HLCS: variants seen among roughly 807,000 people sequenced by gnomAD.
HLCS encodes the protein holocarboxylase synthetase.
HLCS carries 53 observed loss-of-function variants against 75.0 expected under a neutral mutation model. The ratio of observed to expected loss-of-function variants is 0.71; its 90% CI spans 0.57 to 0.89. The LOEUF is 0.89. HLCS is among the 40% of genes least tolerant of loss of function. The pLI is 0.00. For synonymous variants in HLCS, 431 were observed against 428.6 expected, an observed-to-expected ratio of 1.01 and a Z score of -0.07; for missense variants, 966 against 1,074.0, an observed-to-expected ratio of 0.90 and a Z score of 1.41.
chr21:36,789,697 G>A (rs1028851836), intron 6 of HLCS, among the ~76,000 whole-genome samples: 3 of 152,212 alleles, frequency 2.0e-5, no homozygotes, highest in Non-Finnish European at 4.4e-5. Flanking sequence ...CTAACACAAC[G>A]ATTGCCACCT....
chr21:36,874,202 A>G (rs2063871455), intron 6 of HLCS, among the ~76,000 whole-genome samples: 1 of 152,078 alleles, frequency 6.6e-6, no homozygotes, highest in Non-Finnish European at 1.5e-5. Context: ...TGTCTCAAAA[A>G]TCAAAGGCCC....
At chr21:36,764,874 G>C in intron 8 of HLCS, 138 bp downstream of exon 8, 2 of 903,878 alleles carry the variant, frequency 2.2e-6, no homozygotes, top group Middle Eastern at 2.1e-4. Context: ...AAAACTCCGA[G>C]AGCACTTTGC....
chr21:36,775,826 C>T (rs953848810), intron 6 of HLCS, among the ~76,000 whole-genome samples: 3 of 152,186 alleles, frequency 2.0e-5, no homozygotes, highest in African/African-American at 7.2e-5. Context: ...GGATGGACAC[C>T]GACTCACGTG....
At position 36,936,805 on chromosome 21, in the gene HLCS, A is replaced by C. The variant is rs1257529869; in HGVS notation, c.1081T>G (p.Cys361Gly). 6.2e-7 allele frequency: 1 copy of C among 1,614,218 alleles called. No homozygotes were observed. Among genetic ancestry groups the C allele is most frequent in the Non-Finnish European group, 8.5e-7 (1 of 1,180,036 alleles). ...SALRDPWTDN[C>G]LLLVIATRES... ...CTGGTAGCAATGACCAACAGCAGAC[A>C]GTTGTCCGTCCACGGGTCTCTGAGA... Residue 361 changes from cysteine (C) to glycine (G), a missense_variant, in exon 4 of 11, where the codon TGT (cysteine) becomes GGT (glycine). Cys to Gly is a radical substitution (Grantham distance 159). Transcript: ENST00000674895.
intron 6 of HLCS, among the ~76,000 whole-genome samples, chr21:36,881,792 C>CT (rs1004243149): frequency 2.6e-5 from 4 of 152,220 alleles, no homozygotes; most frequent in African/African-American, 9.6e-5. Context: ...AACCTGGCCT[C>CT]TGAGAAGGCT....
intron 9 of HLCS, chr21:36,759,239 G>T: frequency 4.2e-6 from 2 of 470,600 alleles, no homozygotes; most frequent in Admixed American, 2.3e-5. Flanking sequence ...CCATCTTCTT[G>T]CCTGATTTGG....
At position 36,936,930 on chromosome 21, in the gene HLCS, G is replaced by A; in HGVS notation, c.956C>T (p.Ser319Phe). ...GTGGAACCGGCCGAGGGCTTCCTGGGAGTCGGAGCCCACATAGAGGAGGAT... is the reference window on the plus strand; with the variant it reads ...GTGGAACCGGCCGAGGGCTTCCTGGAAGTCGGAGCCCACATAGAGGAGGAT... ...PNILLYVGSD[S>F]QEALGRFHEV... is the part of the protein sequence containing the mutation. Residue 319 changes from serine to phenylalanine, a missense_variant, in exon 4 of 11, where the codon TCC becomes TTC. Coordinates refer to ENST00000674895, the MANE Select transcript of HLCS (RefSeq NM_001352514.2). The A allele has an allele frequency of 6.2e-7, 1 of 1,614,158 alleles. No homozygotes were observed. Among genetic ancestry groups the A allele is most frequent in the South Asian group, 1.1e-5 (1 of 91,074 alleles).
At chr21:36,915,778 T>C (rs767232576) in intron 5 of HLCS, among the ~76,000 whole-genome samples, 10 of 150,662 alleles carry the variant, frequency 6.6e-5, no homozygotes, top group Non-Finnish European at 1.5e-4. Context: ...TTGTTAAGAA[T>C]AACCTAACAA....
chr21:36,879,111 G>C (rs2064100392), intron 6 of HLCS, among the ~76,000 whole-genome samples: 1 of 266 alleles, frequency 3.8e-3, no homozygotes. Context: ...ATTAAGGCAT[G>C]ATATCTCTTG....
At chr21:36,962,461 AGCACACAGT>A (rs942117699) in intron 1 of HLCS, among the ~76,000 whole-genome samples, 1 of 152,194 alleles carries the variant, frequency 6.6e-6, no homozygotes. Flanking sequence ...CTCACTGCTT[AGCACACAGT>A]AGCTAACCGG....
At chr21:36,754,480 C>T (rs1160278330) in intron 10 of HLCS, 63 bp from the exon 11 acceptor site, 1 of 1,528,100 alleles carries the variant, frequency 6.5e-7, no homozygotes, top group African/African-American at 1.4e-5. Flanking sequence ...AGACAATGAG[C>T]TGAAGAATAA....
chr21:36,966,039 C>T (rs1001282424), intron 1 of HLCS, among the ~76,000 whole-genome samples: 4 of 152,216 alleles, frequency 2.6e-5, no homozygotes, highest in Non-Finnish European at 5.9e-5. Context: ...GGATTACAGG[C>T]ATAAGCCACC....
At chr21:36,872,097 C>T (rs929822473) in intron 6 of HLCS, among the ~76,000 whole-genome samples, 12 of 152,126 alleles carry the variant, frequency 7.9e-5, no homozygotes, top group Non-Finnish European at 1.5e-4. Flanking sequence ...TTGCTTTATG[C>T]CTTTCAATGT....
At chr21:36,798,178 A>G (rs3827187) in intron 6 of HLCS, among the ~76,000 whole-genome samples, 44,771 of 152,022 alleles carry the variant, frequency 0.29, 6,779 homozygotes, top group South Asian at 0.32. Context: ...GGAGGCCCAG[A>G]CCACTGGATG....
intron 6 of HLCS, among the ~76,000 whole-genome samples, chr21:36,876,674 T>C (rs2063992019): frequency 6.6e-6 from 1 of 152,192 alleles, no homozygotes; most frequent in South Asian, 2.1e-4. Context: ...ACCCAGCACA[T>C]AGTCTACCTT....
intron 6 of HLCS, among the ~76,000 whole-genome samples, chr21:36,845,674 G>A (rs79211720): frequency 0.018 from 2,793 of 152,172 alleles, 82 homozygotes; most frequent in African/African-American, 0.063. Flanking sequence ...ACTGAGGGTC[G>A]GCAAAGAGGC....
At chr21:36,853,244 G>A (rs2063074294) in intron 6 of HLCS, among the ~76,000 whole-genome samples, 1 of 152,176 alleles carries the variant, frequency 6.6e-6, no homozygotes, top group Non-Finnish European at 1.5e-5. Flanking sequence ...TTATTTCGGA[G>A]CGAGCTTGGA....
chr21:36,771,007 C>T (rs1366773310), intron 6 of HLCS, among the ~76,000 whole-genome samples: 2 of 152,028 alleles, frequency 1.3e-5, no homozygotes, highest in African/African-American at 2.4e-5. Context: ...ATCACGAGGT[C>T]AGGAGATCAA....
intron 6 of HLCS, among the ~76,000 whole-genome samples, chr21:36,840,500 A>G (rs2146092782): frequency 6.6e-6 from 1 of 152,308 alleles, no homozygotes; most frequent in South Asian, 2.1e-4. Context: ...AAAAATAATA[A>G]ATGTCTCCCA....
Sources: allele counts gnomAD v4.1 joint callset (sites outside exome capture counted in the v4.1 genomes callset), GRCh38; gene constraint gnomAD v4.1.1; transcripts MANE v1.5; gene names NCBI Gene and HGNC (gene_info 2026-07-23, HGNC 2026-07-21).